Variants in TM9SF4 observed in about 807,000 individuals in gnomAD.
TM9SF4 encodes the protein dinucleotide oxidase disulfide thiol exchanger 3 superfamily member 4.
Under a neutral mutation model 90.4 loss-of-function variants are expected in TM9SF4, and 26 were observed. The ratio of observed to expected loss-of-function variants is 0.29; its 90% CI spans 0.21 to 0.40. The LOEUF (loss-of-function observed/expected upper bound fraction) is 0.40, where lower values mean the gene tolerates loss of function less well. Ranked by LOEUF, TM9SF4 falls within the 10% of genes least tolerant of loss-of-function variation. TM9SF4 has a pLI of 1.00. For synonymous variants in TM9SF4, 293 were observed against 315.4 expected (o/e 0.93, Z 0.75); for missense variants, 549 against 834.8 (o/e 0.66, Z 4.22).
intron 16 of TM9SF4, 71 bp downstream of exon 16, chr20:32,160,182 T>C: frequency 6.2e-7 from 1 of 1,604,070 alleles, no homozygotes; most frequent in Non-Finnish European, 8.5e-7. Context: ...GATGAGGCTC[T>C]GCGGAGAGGC....
intron 17 of TM9SF4, among the ~76,000 whole-genome samples, chr20:32,163,776 T>C (rs186418777): frequency 6.6e-6 from 1 of 151,926 alleles, no homozygotes; most frequent in East Asian, 1.9e-4. Flanking sequence ...CACGCCCGGC[T>C]AATTTTGTGT....
chr20:32,114,246 A>G (rs1160174812), intron 1 of TM9SF4, among the ~76,000 whole-genome samples: 1 of 152,340 alleles, frequency 6.6e-6, no homozygotes, highest in Non-Finnish European at 1.5e-5. Context: ...AATGGAATAA[A>G]TGACATCAAG....
At chr20:32,164,265 T>G (rs1275175669) in intron 17 of TM9SF4, among the ~76,000 whole-genome samples, 2 of 146,264 alleles carry the variant, frequency 1.4e-5, no homozygotes, top group Non-Finnish European at 3.0e-5. Context: ...GGTTCACACC[T>G]ATAATCCTAG....
Position 32,155,099 on chromosome 20 carries a change from C to G in TM9SF4, c.1246-4C>G. 6.2e-7 allele frequency: 1 copy of G among 1,614,024 alleles called. No individual in the cohort carries two copies. The highest frequency in any genetic ancestry group is 8.5e-7 in the Non-Finnish European group (1 of 1,179,950). On this transcript the variant is annotated splice_region_variant and splice_polypyrimidine_tract_variant and intron_variant, in intron 12 of 17. Transcript: ENST00000398022. ...GCTCCTCAACCCGGCCCCTCTTGCT[C>G]CAGACGGCAACTCTGTACCCTGGTG... is the stretch of plus-strand genomic sequence containing the variant.
intron 12 of TM9SF4, among the ~76,000 whole-genome samples, chr20:32,153,151 T>A (rs772385664): frequency 3.9e-5 from 6 of 152,204 alleles, no homozygotes; most frequent in Non-Finnish European, 8.8e-5. Flanking sequence ...AACAGCCCTC[T>A]GAGCTTCAGT....
chr20:32,133,186 G>A lies in TM9SF4; in HGVS notation c.129+60G>A, dbSNP rs1445208717. On this transcript the variant is annotated intron_variant, in intron 2 of 17. Coordinates refer to ENST00000398022, the MANE Select transcript of TM9SF4 (RefSeq NM_014742.4). The stretch of plus-strand genomic sequence containing the variant: ...CTAGGCAGTGTGTCTGGAGCACCAT[G>A]GTGAGCTGTTCGTGTCCATCCTGTG... 2.6e-6 allele frequency: 4 copies of A among 1,514,148 alleles called. No individual in the cohort carries two copies. The East Asian group carries it at 9.1e-5, about 34-fold the overall frequency. The allele number at this position is 1,514,148 out of a possible 1,614,324, so 93.8% of individuals were successfully genotyped here. A position where few individuals can be genotyped will look rare whatever the true frequency, so the allele number is the denominator to read the frequency against.
chr20:32,164,424 A>G (rs2281365), intron 17 of TM9SF4, among the ~76,000 whole-genome samples: 18,384 of 152,086 alleles, frequency 0.12, 1,250 homozygotes, highest in East Asian at 0.18. Flanking sequence ...AGGCAGGAGG[A>G]TCCCTTGAGC....
chr20:32,157,725 C>T, intron 13 of TM9SF4, 69 bp from the exon 14 acceptor site: 5 of 1,571,162 alleles, frequency 3.2e-6, no homozygotes, highest in South Asian at 1.2e-5. Flanking sequence ...AGAAGGTCCC[C>T]TCCCCCTTGC....
At chr20:32,109,898 C>T (rs2046114903) in intron 1 of TM9SF4, 143 bp downstream of exon 1, 2 of 1,488,878 alleles carry the variant, frequency 1.3e-6, no homozygotes, top group Non-Finnish European at 8.9e-7. Flanking sequence ...CTGGGCTTGT[C>T]TTCCCCGAAA....
intron 1 of TM9SF4, among the ~76,000 whole-genome samples, chr20:32,122,092 A>G (rs1243878391): frequency 1.6e-5 from 2 of 125,754 alleles, no homozygotes; most frequent in Non-Finnish European, 3.3e-5. Context: ...CTCACTTCCC[A>G]GTAGGGGCGG....
At chr20:32,155,071 G>T (rs774041877) in intron 12 of TM9SF4, 32 bp from the exon 13 acceptor site, 26 of 1,599,116 alleles carry the variant, frequency 1.6e-5, no homozygotes, top group Non-Finnish European at 2.1e-5. Context: ...GTCCCTGGAT[G>T]CTGCTCCTCA....
At position 32,158,533 on chromosome 20, in the gene TM9SF4, C is replaced by G; in HGVS notation, c.1569+19C>G. ...CTTCAGTGTGAGTACTGGTGCCTCC[C>G]CCACCCCTCCACCCATGCTAGCCGG... is the stretch of plus-strand genomic sequence containing the variant. On this transcript the variant is annotated intron_variant, in intron 15 of 17. Coordinates refer to ENST00000398022, the MANE Select transcript of TM9SF4 (RefSeq NM_014742.4). 1 of 1,613,640 alleles carries G rather than the reference C, an allele frequency of 6.2e-7. No homozygotes were observed. The highest frequency in any genetic ancestry group is 8.5e-7 in the Non-Finnish European group (1 of 1,179,708).
chr20:32,163,606 A>ATTTTTTT (rs397866148), intron 17 of TM9SF4, among the ~76,000 whole-genome samples: 1 of 99,358 alleles, frequency 1.0e-5, no homozygotes, highest in Non-Finnish European at 1.9e-5. Flanking sequence ...TGTGCTAGGA[A>ATTTTTTT]TTTTTTTTTT....
rs143823960 is a variant in TM9SF4, at chr20:32,160,689, G to A, written c.1689+578G>A. Among the ~76,000 whole-genome samples, 1,000 of 152,186 alleles carry A rather than the reference G, an allele frequency of 6.6e-3. 3 individuals carry two copies. The highest frequency in any genetic ancestry group is 0.014 in the Middle Eastern group (4 of 294). On this transcript the variant is annotated intron_variant, in intron 16 of 17. Transcript: ENST00000398022. ...TTGCCAGCCAGGCACGGTAGCTCAC[G>A]CCTGTAATCCCAGCATTTTGAGAGG...
At chr20:32,110,163 A>T (rs1480783681) in intron 1 of TM9SF4, 3 of 725,268 alleles carry the variant, frequency 4.1e-6, no homozygotes, top group Non-Finnish European at 5.3e-6. Flanking sequence ...CCCCACCATC[A>T]TAACCAGTCC....
chr20:32,165,034 G>T (rs1034734431), intron 17 of TM9SF4, among the ~76,000 whole-genome samples: 11 of 152,122 alleles, frequency 7.2e-5, no homozygotes, highest in African/African-American at 2.7e-4. Flanking sequence ...GACCAGGAAG[G>T]GCACAGCTGT....
At chr20:32,154,901 G>A (rs957106551) in intron 12 of TM9SF4, among the ~76,000 whole-genome samples, 5 of 152,184 alleles carry the variant, frequency 3.3e-5, no homozygotes, top group Non-Finnish European at 5.9e-5. Context: ...AGAGCAAGAA[G>A]GGGCAGTATT....
At chr20:32,141,076 G>C (rs929368669) in intron 3 of TM9SF4, among the ~76,000 whole-genome samples, 1 of 151,884 alleles carries the variant, frequency 6.6e-6, no homozygotes, top group African/African-American at 2.4e-5. Context: ...AATTAGCCGG[G>C]CGTGGTGGCA....
chr20:32,137,262 GCCTCTCC>G (rs1428141254), intron 3 of TM9SF4, among the ~76,000 whole-genome samples: 1 of 152,094 alleles, frequency 6.6e-6, no homozygotes, highest in Non-Finnish European at 1.5e-5. Flanking sequence ...CAGCCACCTT[GCCTCTCC>G]CCGGGAAGCC....
Sources: gnomAD v4.1 joint callset for allele counts (sites outside exome capture counted in the v4.1 genomes callset) on GRCh38, gnomAD v4.1.1 for gene constraint, MANE v1.5 for transcripts, NCBI Gene and HGNC (gene_info 2026-07-23, HGNC 2026-07-21) for gene names.